GRAMD1A: variants seen among roughly 807,000 people sequenced by gnomAD.
The protein encoded by GRAMD1A is protein Aster-A.
GRAMD1A carries 50 observed loss-of-function variants against 92.0 expected under a neutral mutation model. The ratio of observed to expected loss-of-function variants is 0.54; its 90% CI spans 0.43 to 0.69. The LOEUF (loss-of-function observed/expected upper bound fraction) is 0.69. GRAMD1A is among the 30% of genes least tolerant of loss of function. GRAMD1A has a pLI of 0.00. For missense variants in GRAMD1A, 819 were observed against 978.9 expected, an observed-to-expected ratio of 0.84 and a Z score of 2.18; for synonymous variants, 405 against 403.6, an observed-to-expected ratio of 1.00 and a Z score of -0.04.
chr19:35,019,597 T>A, intron 13 of GRAMD1A, 64 bp downstream of exon 13: 1 of 1,508,624 alleles, frequency 6.6e-7, no homozygotes, highest in Non-Finnish European at 9.2e-7. Flanking sequence ...TGTCCACTCC[T>A]CAAGTCAGCA....
In GRAMD1A at chr19:35,026,412, G is replaced by C; in HGVS notation, c.*271G>C. ...GGGGTGCACGATTCCCTCAGCTCTG[G>C]GTTTAATGTATTATATTTATTTGGG... is the stretch of plus-strand genomic sequence containing the variant. On this transcript the variant is annotated 3_prime_UTR_variant, in exon 20 of 20. Transcript: ENST00000317991. The C allele has an allele frequency of 1.9e-6, 1 of 517,866 alleles. No homozygotes were observed. The allele number at this position is 517,866 out of a possible 1,614,324, so 32.1% of individuals were successfully genotyped here.
At chr19:35,003,143 CGTGT>C (rs60437273) in intron 1 of GRAMD1A, among the ~76,000 whole-genome samples, 6,284 of 141,084 alleles carry the variant, frequency 0.045, 140 homozygotes, top group Non-Finnish European at 0.057. Flanking sequence ...TTGCTCTGTG[CGTGT>C]GTGTGTGTGT....
intron 17 of GRAMD1A, 70 bp downstream of exon 17, chr19:35,022,981 A>T: frequency 1.1e-6 from 1 of 871,406 alleles, no homozygotes; most frequent in African/African-American, 3.1e-5. Context: ...TCTTCTCCCC[A>T]CCCCATGCCC....
chr19:35,014,197 G>A lies in GRAMD1A; in HGVS notation c.879G>A (p.Glu293=). The change falls in exon 10 of 20, where the codon GAG becomes GAA. Residue 293 remains glutamate (E), a synonymous_variant. Coordinates refer to ENST00000317991, the MANE Select transcript of GRAMD1A (RefSeq NM_020895.5). ...CGGGCCTTTCTCCACAGGCAGAGGA[G>A]GACAAGGAGGAGCAGGTAGACAGCC... ...ASSDADHGAE[E]DKEEQVDSQP... The A allele has an allele frequency of 1.2e-6, 2 of 1,613,296 alleles. No individual in the cohort carries two copies. The highest frequency in any genetic ancestry group is 4.5e-5 in the East Asian group (2 of 44,884).
At chr19:35,017,833 G>A (rs182959154) in intron 11 of GRAMD1A, among the ~76,000 whole-genome samples, 128 of 152,226 alleles carry the variant, frequency 8.4e-4, no homozygotes, top group African/African-American at 3.0e-3. Flanking sequence ...TGCCAGTAGT[G>A]TGTGGTTTTT....
At chr19:34,995,928 CG>C, upstream of GRAMD1A, 1 of 1,087,626 alleles carries the variant, frequency 9.2e-7, no homozygotes, top group South Asian at 1.6e-5. Context: ...AGTGGAGCCA[CG>C]GGGGAAGGTG....
intron 10 of GRAMD1A, 187 bp from the exon 11 acceptor site, chr19:35,015,637 C>T: frequency 1.8e-6 from 1 of 550,468 alleles, no homozygotes; most frequent in Non-Finnish European, 3.2e-6. Context: ...TCTGTCTGGG[C>T]CTGGAGCACG....
chr19:35,007,493 G>A (rs567563897), intron 1 of GRAMD1A, among the ~76,000 whole-genome samples: 10 of 152,284 alleles, frequency 6.6e-5, no homozygotes, highest in African/African-American at 2.4e-4. Flanking sequence ...GGGAGGTGGA[G>A]GTTGCAGTGA....
At chr19:35,023,997 G>A (rs765585491) in intron 19 of GRAMD1A, among the ~76,000 whole-genome samples, 8 of 152,184 alleles carry the variant, frequency 5.3e-5, no homozygotes, top group Admixed American at 2.0e-4. Flanking sequence ...CCCTCTACCC[G>A]CTACCCCACT....
intron 7 of GRAMD1A, among the ~76,000 whole-genome samples, chr19:35,011,757 C>A (rs114283905): frequency 6.6e-6 from 1 of 152,220 alleles, no homozygotes; most frequent in African/African-American, 2.4e-5. Context: ...TGTAAACCGT[C>A]GTAATTCTTC....
At chr19:35,000,231 C>T, upstream of GRAMD1A, 8 of 1,023,418 alleles carry the variant, frequency 7.8e-6, no homozygotes, top group Non-Finnish European at 9.3e-6. The surrounding 1 kb of genome is among the most constrained non-coding windows in gnomAD (Gnocchi z 4.9). Flanking sequence ...TCCCCGCCTT[C>T]CCTCCCGGGC....
chr19:35,003,097 TACTC>T (rs1445521481), intron 1 of GRAMD1A, among the ~76,000 whole-genome samples: 1 of 146,944 alleles, frequency 6.8e-6, no homozygotes, highest in African/African-American at 2.5e-5. Flanking sequence ...TGTGTGTAAT[TACTC>T]TGTGGCTCTC....
At position 35,010,366 on chromosome 19, in the gene GRAMD1A, C is replaced by T. The variant is rs769848875; in HGVS notation, c.512C>T (p.Thr171Met). The change falls in exon 6 of 20, where the codon ACG becomes ATG. Residue 171 changes from threonine (T) to methionine (M), a missense_variant. Thr to Met is a moderately conservative substitution (Grantham distance 81). Transcript: ENST00000317991. ...ATCCCCAACGCCATCCAGATCTGCA[C>T]GGAGAGCGAGAAGGTGACGGAGGAC... ...KLIPNAIQICTESEKHFFTSF... is the reference protein window; with the variant it reads ...KLIPNAIQICMESEKHFFTSF... The T allele has an allele frequency of 5.0e-6, 8 of 1,611,918 alleles. No individual in the cohort carries two copies. Among genetic ancestry groups the T allele is most frequent in the Non-Finnish European group, 6.8e-6 (8 of 1,177,902 alleles).
intron 1 of GRAMD1A, 129 bp from the exon 2 acceptor site, chr19:35,008,990 A>G (rs946582994): frequency 1.5e-6 from 1 of 686,646 alleles, no homozygotes; most frequent in Non-Finnish European, 2.7e-6. Flanking sequence ...TGCTGGGAAG[A>G]GAAACAGGAT....
chr19:35,000,119 G>A (rs755987399), upstream of GRAMD1A: 29 of 994,114 alleles, frequency 2.9e-5, no homozygotes, highest in Non-Finnish European at 3.3e-5. This position sits in a 1 kb window ranked among gnomAD's most constrained non-coding sequence, Gnocchi z 4.9. Context: ...TTTTAATAAA[G>A]TCTCTTTGTT....
At chr19:35,014,469 C>T (rs930113341) in intron 10 of GRAMD1A, 82 bp downstream of exon 10, 20 of 1,222,084 alleles carry the variant, frequency 1.6e-5, no homozygotes, top group African/African-American at 1.0e-4. Context: ...TGGATTCGCC[C>T]GCAGCACTGA....
At position 35,000,412 on chromosome 19, in the gene GRAMD1A, C is replaced by G. The variant is rs2014257016; in HGVS notation, c.-67C>G. 2.4e-5 allele frequency: 21 copies of G among 885,548 alleles called. No homozygotes were observed. In the South Asian group the frequency reaches 7.9e-4, roughly 33 times the overall value. 54.9% of individuals were successfully genotyped at this position (885,548 alleles called of 1,614,324 possible). On this transcript the variant is annotated 5_prime_UTR_variant, in exon 1 of 20. Transcript: ENST00000317991. The surrounding 1 kb of genome is among the most constrained non-coding windows in gnomAD (Gnocchi z 4.9). ...GGGGACGCCCAGCGCAGCCCAGCCC[C>G]GCGCAGCCCAGCCCTGCCCTGCCCT... is the stretch of plus-strand genomic sequence containing the variant.
upstream of GRAMD1A, chr19:34,998,682 G>A (rs1451740155): frequency 2.0e-5 from 3 of 152,114 alleles, no homozygotes; most frequent in Non-Finnish European, 4.4e-5. Context: ...AAAGAGATCA[G>A]TTGGACAGAG....
In GRAMD1A at chr19:35,026,277, C is replaced by T. The variant is rs1428146634; in HGVS notation, c.*136C>T. 1.9e-5 allele frequency: 12 copies of T among 626,792 alleles called. No individual in the cohort carries two copies. Among genetic ancestry groups the T allele is most frequent in the African/African-American group, 5.4e-5 (3 of 55,140 alleles). The allele number at this position is 626,792 out of a possible 1,614,324, so 38.8% of individuals were successfully genotyped here. A position where few individuals can be genotyped will look rare whatever the true frequency, so the allele number is the denominator to read the frequency against. On this transcript the variant is annotated 3_prime_UTR_variant, in exon 20 of 20. Transcript: ENST00000317991. ...ACGGCCCAACCAGGGGCTGTGCAGACGTGGGGACCACGGAACCGAGATGCA... is the reference window on the plus strand; with the variant it reads ...ACGGCCCAACCAGGGGCTGTGCAGATGTGGGGACCACGGAACCGAGATGCA...
Sources: allele counts gnomAD v4.1 joint callset (sites outside exome capture counted in the v4.1 genomes callset), GRCh38; gene constraint gnomAD v4.1.1; non-coding constraint Gnocchi (gnomAD v3.1); transcripts MANE v1.5; gene names NCBI Gene and HGNC (gene_info 2026-07-23, HGNC 2026-07-21).